CCDC102B: variants seen among roughly 807,000 people sequenced by gnomAD.
CCDC102B encodes coiled-coil domain containing 102B, also known as coiled-coil domain-containing protein 102B.
In CCDC102B, 75 loss-of-function variants were observed where a neutral mutation model predicts 57.4. The observed-to-expected ratio is 1.31, with a 90% CI of 1.08 to 1.58. The LOEUF (loss-of-function observed/expected upper bound fraction) is 1.58, where lower values mean the gene tolerates loss of function less well. Ranked by LOEUF, CCDC102B falls within the 40% of genes most tolerant of loss-of-function variation. CCDC102B has a pLI of 0.00. For missense variants in CCDC102B, 636 were observed against 582.6 expected (o/e 1.09, Z -0.94); for synonymous variants, 206 against 201.9 (o/e 1.02, Z -0.17).
intron 6 of CCDC102B, among the ~76,000 whole-genome samples, chr18:68,989,425 A>G (rs910583591): frequency 6.6e-6 from 1 of 152,238 alleles, no homozygotes; most frequent in African/African-American, 2.4e-5. Flanking sequence ...GCAAATGGGA[A>G]GAGAAGCTGT....
chr18:68,930,117 G>A (rs1211963932), intron 6 of CCDC102B, among the ~76,000 whole-genome samples: 1 of 151,096 alleles, frequency 6.6e-6, no homozygotes, highest in African/African-American at 2.4e-5. Flanking sequence ...GGAAACAAAG[G>A]CCAATGTAGT....
intron 4 of CCDC102B, among the ~76,000 whole-genome samples, chr18:68,849,525 A>G (rs900221382): frequency 1.1e-4 from 17 of 151,946 alleles, no homozygotes; most frequent in Non-Finnish European, 2.4e-4. Flanking sequence ...TTCCAGGTCT[A>G]TTTACCACCA....
chr18:69,015,779 A>T (rs11876136), intron 7 of CCDC102B, among the ~76,000 whole-genome samples: 2,325 of 152,310 alleles, frequency 0.015, 51 homozygotes, highest in East Asian at 0.083. Flanking sequence ...ATTTGTTAGA[A>T]GGTGAACATT....
intron 2 of CCDC102B, chr18:68,754,671 G>A (rs2033982411): frequency 6.6e-6 from 1 of 152,000 alleles, no homozygotes; most frequent in Non-Finnish European, 1.5e-5. Flanking sequence ...TGAGGGGAGA[G>A]GGTTGGAAGC....
intron 7 of CCDC102B, among the ~76,000 whole-genome samples, chr18:69,030,414 G>A (rs574306446): frequency 6.5e-4 from 99 of 152,236 alleles, no homozygotes; most frequent in Middle Eastern, 3.4e-3. Flanking sequence ...ATGGCAATTG[G>A]CCTGGTTACA....
At position 69,055,059 on chromosome 18, in the gene CCDC102B, G is replaced by C. The variant is rs906488832; in HGVS notation, c.*922G>C. ...TAATTTTCCATACCTATTTTCAACTGAAGGCAACTTGTAAGATTTAACTCA... is the reference window on the plus strand; with the variant it reads ...TAATTTTCCATACCTATTTTCAACTCAAGGCAACTTGTAAGATTTAACTCA... On this transcript the variant is annotated 3_prime_UTR_variant, in exon 8 of 8. Transcript: ENST00000360242. The C allele has an allele frequency of 1.0e-6, 1 of 982,938 alleles. No individual in the cohort carries two copies. Among genetic ancestry groups the C allele is most frequent in the Non-Finnish European group, 1.2e-6 (1 of 827,944 alleles). The allele number at this position is 982,938 out of a possible 1,614,324, so 60.9% of individuals were successfully genotyped here.
At position 68,920,261 on chromosome 18, in the gene CCDC102B, CT is replaced by C. The variant is rs1225509291; in HGVS notation, c.1263+22835del. ...AAGCTGGAGGCATCACACTACCCAA[CT>C]TCAAACTGTATTACAGGGCTACAGT... is the stretch of plus-strand genomic sequence containing the variant. On this transcript the variant is annotated intron_variant, in intron 6 of 7. Coordinates refer to ENST00000360242, the MANE Select transcript of CCDC102B (RefSeq NM_024781.3). Among the ~76,000 whole-genome samples, 3 of 152,106 alleles carry C rather than the reference CT, an allele frequency of 2.0e-5. No homozygotes were observed. The East Asian group carries it at 5.8e-4, about 29-fold the overall frequency.
chr18:68,808,068 T>TAG (rs1356264597), intron 1 of CCDC102B, among the ~76,000 whole-genome samples: 16 of 152,182 alleles, frequency 1.1e-4, no homozygotes, highest in African/African-American at 3.6e-4. Flanking sequence ...CATCTATAAG[T>TAG]TTCATATTAT....
intron 5 of CCDC102B, among the ~76,000 whole-genome samples, chr18:68,890,592 T>C (rs906563382): frequency 2.0e-5 from 3 of 152,206 alleles, no homozygotes; most frequent in Non-Finnish European, 2.9e-5. Flanking sequence ...CTTACCAAGA[T>C]ATGGAAGATT....
chr18:68,874,865 T>C, intron 5 of CCDC102B, 80 bp downstream of exon 5: 1 of 887,780 alleles, frequency 1.1e-6, no homozygotes, highest in Non-Finnish European at 1.8e-6. Context: ...TTAAGTAGGG[T>C]AACGGTCGTG....
At chr18:68,839,298 G>GA (rs781425581) in intron 3 of CCDC102B, among the ~76,000 whole-genome samples, 29 of 152,164 alleles carry the variant, frequency 1.9e-4, no homozygotes, top group East Asian at 1.4e-3. Flanking sequence ...ATTAATAGTG[G>GA]AAAAATCACA....
At chr18:68,939,108 G>A (rs984047683) in intron 6 of CCDC102B, among the ~76,000 whole-genome samples, 5 of 151,456 alleles carry the variant, frequency 3.3e-5, no homozygotes, top group African/African-American at 1.2e-4. Context: ...TTATATTTTC[G>A]GACTTAAATG....
chr18:68,911,631 A>T (rs913128816), intron 6 of CCDC102B, among the ~76,000 whole-genome samples: 1 of 149,416 alleles, frequency 6.7e-6, no homozygotes, highest in Admixed American at 6.7e-5. Flanking sequence ...GGGCGCCTGT[A>T]GTCCCAGCTA....
intron 7 of CCDC102B, among the ~76,000 whole-genome samples, chr18:69,012,737 G>T (rs1364460493): frequency 6.6e-6 from 1 of 152,028 alleles, no homozygotes; most frequent in East Asian, 1.9e-4. Flanking sequence ...AGGACATAAA[G>T]CTATGCCTTT....
At chr18:68,746,655 G>A (rs1321913243) in intron 2 of CCDC102B, among the ~76,000 whole-genome samples, 5 of 151,870 alleles carry the variant, frequency 3.3e-5, no homozygotes, top group Admixed American at 3.3e-4. Context: ...ATACCTTAGT[G>A]TTTAAATTTT....
intron 6 of CCDC102B, among the ~76,000 whole-genome samples, chr18:68,942,316 T>G (rs1028730660): frequency 6.6e-6 from 1 of 151,746 alleles, no homozygotes; most frequent in South Asian, 2.1e-4. Context: ...TCTCGTCAGG[T>G]GGAAAGAGAG....
chr18:68,884,654 G>A (rs76136636), intron 5 of CCDC102B, among the ~76,000 whole-genome samples: 116 of 148,564 alleles, frequency 7.8e-4, no homozygotes, highest in African/African-American at 2.7e-3. Context: ...TCTCCCCATC[G>A]TATATATATA....
At chr18:68,807,640 T>C (rs1020334440) in intron 1 of CCDC102B, among the ~76,000 whole-genome samples, 1 of 152,152 alleles carries the variant, frequency 6.6e-6, no homozygotes, top group Non-Finnish European at 1.5e-5. Flanking sequence ...TTTTGAGAAA[T>C]ACAAACACTG....
chr18:69,016,347 G>A (rs1291674421), intron 7 of CCDC102B, among the ~76,000 whole-genome samples: 1 of 152,126 alleles, frequency 6.6e-6, no homozygotes, highest in Non-Finnish European at 1.5e-5. Context: ...TAAGTCTCTA[G>A]TATCTAAGAG....
Sources: allele counts gnomAD v4.1 joint callset (sites outside exome capture counted in the v4.1 genomes callset), GRCh38; gene constraint gnomAD v4.1.1; transcripts MANE v1.5; gene names NCBI Gene and HGNC (gene_info 2026-07-23, HGNC 2026-07-21).